SGCZ: variants seen among roughly 807,000 people sequenced by gnomAD.
SGCZ encodes the protein sarcoglycan zeta, also known as zeta-sarcoglycan.
Under a neutral mutation model 41.3 loss-of-function variants are expected in SGCZ, and 40 were observed. That is an observed-to-expected ratio of 0.97 (90% CI 0.75 to 1.26). The LOEUF is 1.26. SGCZ is among the 50% of genes most tolerant of loss of function. SGCZ has a pLI of 0.00. For missense variants in SGCZ, 552 were observed against 369.8 expected, an observed-to-expected ratio of 1.49 and a Z score of -4.04; for synonymous variants, 206 against 137.5, an observed-to-expected ratio of 1.50 and a Z score of -3.49.
chr8:14,725,290 A>G (rs1810013749), intron 1 of SGCZ, among the ~76,000 whole-genome samples: 1 of 152,214 alleles, frequency 6.6e-6, no homozygotes, highest in East Asian at 1.9e-4. Flanking sequence ...ATGTTGCAAT[A>G]AACATGGGAA....
intron 2 of SGCZ, among the ~76,000 whole-genome samples, chr8:14,410,593 A>T (rs1165442339): frequency 6.6e-6 from 1 of 151,916 alleles, no homozygotes; most frequent in Non-Finnish European, 1.5e-5. Context: ...GGAACATCAC[A>T]TACTGGGGCC....
intron 2 of SGCZ, among the ~76,000 whole-genome samples, chr8:14,424,902 G>T (rs1478758127): frequency 6.6e-6 from 1 of 152,074 alleles, no homozygotes; most frequent in East Asian, 1.9e-4. Flanking sequence ...GTATTAATAT[G>T]TATTATCAGT....
intron 1 of SGCZ, among the ~76,000 whole-genome samples, chr8:15,169,377 G>A (rs1014043322): frequency 6.6e-6 from 1 of 152,172 alleles, no homozygotes; most frequent in African/African-American, 2.4e-5. Context: ...CTCTTCCTGT[G>A]TGGAATCAGG....
At chr8:15,016,293 C>G (rs759966141) in intron 1 of SGCZ, among the ~76,000 whole-genome samples, 6 of 152,170 alleles carry the variant, frequency 3.9e-5, no homozygotes, top group Middle Eastern at 3.2e-3. Flanking sequence ...TGCTTTGATA[C>G]TCAGAGCAGA....
chr8:14,617,706 C>G (rs1019006262), intron 1 of SGCZ, among the ~76,000 whole-genome samples: 3 of 151,962 alleles, frequency 2.0e-5, no homozygotes, highest in Non-Finnish European at 4.4e-5. Flanking sequence ...TAGTATTTAG[C>G]TAGACTGAAA....
At chr8:15,154,611 T>G (rs535366623) in intron 1 of SGCZ, among the ~76,000 whole-genome samples, 1 of 152,286 alleles carries the variant, frequency 6.6e-6, no homozygotes, top group African/African-American at 2.4e-5. Flanking sequence ...CACCATATGC[T>G]CTGAGTTGTA....
intron 2 of SGCZ, among the ~76,000 whole-genome samples, chr8:14,401,524 G>T (rs1279061005): frequency 6.8e-6 from 1 of 146,594 alleles, no homozygotes; most frequent in Non-Finnish European, 1.5e-5. Context: ...ACCTGTGAGT[G>T]AGAATATGCG....
chr8:15,046,574 A>C (rs1804308475), intron 1 of SGCZ, among the ~76,000 whole-genome samples: 1 of 151,930 alleles, frequency 6.6e-6, no homozygotes. Flanking sequence ...GTGGAGTAAG[A>C]TATTCTAGAC....
chr8:14,391,667 C>A (rs970179725), intron 2 of SGCZ, among the ~76,000 whole-genome samples: 1 of 151,968 alleles, frequency 6.6e-6, no homozygotes, highest in Non-Finnish European at 1.5e-5. Flanking sequence ...ATTATGTGAT[C>A]GCTTGGATTT....
At position 14,779,678 on chromosome 8, in the gene SGCZ, A is replaced by G. The variant is rs181881652; in HGVS notation, c.40-224752T>C. Among the ~76,000 whole-genome samples the G allele has an allele frequency of 2.6e-5, 4 of 152,342 alleles. No homozygotes were observed. In the East Asian group the frequency reaches 7.7e-4, roughly 29 times the overall value. On this transcript the variant is annotated intron_variant, in intron 1 of 7. Coordinates refer to ENST00000382080, the MANE Select transcript of SGCZ (RefSeq NM_139167.4). ...TCTTTAACGTGCATAGGTATTACAT[A>G]GAACTTTAGAAAGCAATGGGCTGAG...
chr8:15,065,862 T>C (rs1279298158), intron 1 of SGCZ, among the ~76,000 whole-genome samples: 1 of 152,118 alleles, frequency 6.6e-6, no homozygotes, highest in African/African-American at 2.4e-5. Context: ...TAATATGAAG[T>C]GCAGTAATAT....
chr8:14,700,736 A>C (rs1323677671), intron 1 of SGCZ, among the ~76,000 whole-genome samples: 2 of 152,066 alleles, frequency 1.3e-5, no homozygotes, highest in Non-Finnish European at 2.9e-5. Context: ...TTGGATGTTA[A>C]CATTTTATTG....
At chr8:14,309,256 C>A (rs556001414) in intron 3 of SGCZ, 2 of 1,529,766 alleles carry the variant, frequency 1.3e-6, no homozygotes, top group South Asian at 1.1e-5. Context: ...ACAACCATAT[C>A]CAGTTGTCTA....
At chr8:14,191,983 T>C (rs1440290376) in intron 4 of SGCZ, among the ~76,000 whole-genome samples, 1 of 152,114 alleles carries the variant, frequency 6.6e-6, no homozygotes, top group African/African-American at 2.4e-5. Context: ...AGATATTTCT[T>C]AATAACCCTT....
chr8:14,753,193 A>C (rs1468111980), intron 1 of SGCZ, among the ~76,000 whole-genome samples: 1 of 152,066 alleles, frequency 6.6e-6, no homozygotes, highest in Non-Finnish European at 1.5e-5. Context: ...CCCCACCATT[A>C]TCTCTCTGTC....
chr8:14,598,039 T>C (rs1805468609), intron 1 of SGCZ, among the ~76,000 whole-genome samples: 1 of 152,166 alleles, frequency 6.6e-6, no homozygotes, highest in Non-Finnish European at 1.5e-5. Flanking sequence ...ATTATTGGAG[T>C]TAGAGCAAAA....
intron 1 of SGCZ, among the ~76,000 whole-genome samples, chr8:14,567,086 G>A (rs1441563406): frequency 1.3e-5 from 2 of 152,200 alleles, no homozygotes; most frequent in African/African-American, 4.8e-5. Flanking sequence ...GTGGGGCAGG[G>A]CTCGGGACCT....
intron 1 of SGCZ, among the ~76,000 whole-genome samples, chr8:14,994,533 G>A (rs985663608): frequency 1.3e-5 from 2 of 151,494 alleles, no homozygotes; most frequent in Non-Finnish European, 2.9e-5. Flanking sequence ...GCAGTGAGTC[G>A]AGATTGTGCC....
intron 5 of SGCZ, among the ~76,000 whole-genome samples, chr8:14,120,129 G>C (rs957628204): frequency 2.6e-5 from 4 of 152,020 alleles, no homozygotes; most frequent in Admixed American, 2.0e-4. Flanking sequence ...TTCTAAAAAA[G>C]GTATTATCAT....
Sources: allele counts gnomAD v4.1 joint callset (sites outside exome capture counted in the v4.1 genomes callset), GRCh38; gene constraint gnomAD v4.1.1; transcripts MANE v1.5; gene names NCBI Gene and HGNC (gene_info 2026-07-23, HGNC 2026-07-21).